The following USP37 variants were observed in gnomAD, a reference collection of about 807,000 sequenced individuals.
The protein encoded by USP37 is ubiquitin carboxyl-terminal hydrolase 37.
Under a neutral mutation model 124.0 loss-of-function variants are expected in USP37, and 27 were observed. That is an observed-to-expected ratio of 0.22 (90% CI 0.16 to 0.30). The LOEUF (loss-of-function observed/expected upper bound fraction) is 0.30. Ranked by LOEUF, USP37 falls within the 10% of genes least tolerant of loss-of-function variation. The pLI is 1.00. For missense variants in USP37, 889 were observed against 1,140.4 expected, an observed-to-expected ratio of 0.78 and a Z score of 3.17; for synonymous variants, 365 against 388.0, an observed-to-expected ratio of 0.94 and a Z score of 0.70.
intron 8 of USP37, among the ~76,000 whole-genome samples, chr2:218,545,329 T>TTGC (rs1466377649): frequency 1.3e-5 from 2 of 152,290 alleles, no homozygotes; most frequent in Middle Eastern, 3.4e-3. Context: ...TGCCCTCCCT[T>TTGC]TGCTCTCTTC....
At chr2:218,499,775 C>G (rs574704632) in intron 11 of USP37, among the ~76,000 whole-genome samples, 1 of 152,074 alleles carries the variant, frequency 6.6e-6, no homozygotes, top group South Asian at 2.1e-4. Context: ...TTCTCCCTAC[C>G]CTGGGTTGTT....
At chr2:218,478,798 G>A (rs577886175) in intron 18 of USP37, among the ~76,000 whole-genome samples, 33 of 152,192 alleles carry the variant, frequency 2.2e-4, no homozygotes, top group South Asian at 8.3e-4. Flanking sequence ...TCTTGAGAAC[G>A]GGCAAGAGTA....
At chr2:218,544,430 T>TATATAGAGAGAGAGAG (rs377397246) in intron 8 of USP37, among the ~76,000 whole-genome samples, 2 of 50,814 alleles carry the variant, frequency 3.9e-5, no homozygotes, top group Admixed American at 3.0e-4. Context: ...TATATATATA[T>TATATAGAGAGAGAGAG]AGAGAGAGAG....
At chr2:218,503,031 T>C (rs1316423803) in intron 11 of USP37, among the ~76,000 whole-genome samples, 2 of 152,222 alleles carry the variant, frequency 1.3e-5, no homozygotes, top group Non-Finnish European at 2.9e-5. Context: ...ATTATCACGT[T>C]AGAGTTCTAT....
rs975507550 is a variant in USP37, at chr2:218,485,516, C to T, written c.1670+148G>A. The T allele has an allele frequency of 4.4e-5, 41 of 937,202 alleles. No individual in the cohort carries two copies. The East Asian group carries it at 1.0e-3, about 23-fold the overall frequency. 58.1% of individuals were successfully genotyped at this position (937,202 alleles called of 1,614,324 possible). On this transcript the variant is annotated intron_variant, in intron 16 of 25. Transcript: ENST00000258399. The stretch of plus-strand genomic sequence containing the variant: ...CTTACACTCTGCACATTTCAGCTTT[C>T]CTGACCCTCTTTACCAATCCATTCT...
rs1284510518 is a variant in USP37, at chr2:218,476,861, C to T, written c.2022G>A (p.Gln674=). ...TTACTTTTTCCAGGTCTTCCTGCTG[C>T]TGTTCGTTGCCTAACATTTCACAAA... ...QRLCEMLGNE[Q]QQEDLEKDSK... Residue 674 remains glutamine, a synonymous_variant, in exon 19 of 26, where the codon CAG becomes CAA. Coordinates refer to ENST00000258399, the MANE Select transcript of USP37 (RefSeq NM_020935.3). 6.2e-7 allele frequency: 1 copy of T among 1,600,158 alleles called. No individual in the cohort carries two copies. Among genetic ancestry groups the T allele is most frequent in the African/African-American group, 1.3e-5 (1 of 74,080 alleles).
intron 15 of USP37, chr2:218,486,033 G>A: frequency 3.3e-6 from 1 of 306,390 alleles, no homozygotes; most frequent in East Asian, 6.0e-5. Context: ...AGCCTTTTCA[G>A]CCTTTTCCCC....
At chr2:218,511,125 T>C (rs1019184295) in intron 10 of USP37, among the ~76,000 whole-genome samples, 11 of 152,220 alleles carry the variant, frequency 7.2e-5, no homozygotes, top group African/African-American at 2.7e-4. Flanking sequence ...CTTTTCTGAA[T>C]TGCTTTCCTA....
At chr2:218,539,173 G>A (rs755909405) in intron 8 of USP37, among the ~76,000 whole-genome samples, 11 of 151,756 alleles carry the variant, frequency 7.2e-5, no homozygotes, top group Non-Finnish European at 1.5e-4. Flanking sequence ...TGCCCAGGCT[G>A]GTCTTGAACT....
At chr2:218,463,173 T>G in intron 22 of USP37, 133 bp downstream of exon 22, 2 of 730,298 alleles carry the variant, frequency 2.7e-6, no homozygotes, top group Non-Finnish European at 4.1e-6. Context: ...TCCCCCACAA[T>G]AAACACACAC....
At chr2:218,504,786 T>C (rs1169322098) in intron 11 of USP37, among the ~76,000 whole-genome samples, 1 of 152,110 alleles carries the variant, frequency 6.6e-6, no homozygotes, top group Non-Finnish European at 1.5e-5. Flanking sequence ...AGGGTCTTAC[T>C]ATGTTGTCCA....
intron 4 of USP37, among the ~76,000 whole-genome samples, chr2:218,556,514 T>G (rs1390296155): frequency 3.0e-5 from 4 of 134,158 alleles, no homozygotes; most frequent in Non-Finnish European, 4.8e-5. Context: ...TTTTTTTTTT[T>G]TTTTTTTTTT....
Position 218,453,949 on chromosome 2 carries a change from C to G in USP37, c.*981G>C, listed in dbSNP as rs1168511769. On this transcript the variant is annotated 3_prime_UTR_variant, in exon 26 of 26. Coordinates refer to ENST00000258399, the MANE Select transcript of USP37 (RefSeq NM_020935.3). ...TCTTATCCTCCCTATGTTTGAGAGA[C>G]AGAGATGCTAGCATTCTTCCTTATC... is the stretch of plus-strand genomic sequence containing the variant. 6.6e-6 allele frequency: 1 copy of G among 152,152 alleles called. No homozygotes were observed. Among genetic ancestry groups the G allele is most frequent in the African/African-American group, 2.4e-5 (1 of 41,454 alleles). 9.4% of individuals were successfully genotyped at this position (152,152 alleles called of 1,614,324 possible). A position where few individuals can be genotyped will look rare whatever the true frequency, so the allele number is the denominator to read the frequency against.
At chr2:218,527,919 T>C (rs913560736) in intron 10 of USP37, among the ~76,000 whole-genome samples, 1 of 151,962 alleles carries the variant, frequency 6.6e-6, no homozygotes, top group Admixed American at 6.6e-5. Flanking sequence ...GAACCAAATA[T>C]GGGCTGGGCG....
At chr2:218,502,711 C>A (rs1333965153) in intron 11 of USP37, among the ~76,000 whole-genome samples, 2 of 152,106 alleles carry the variant, frequency 1.3e-5, no homozygotes, top group Non-Finnish European at 2.9e-5. Flanking sequence ...AAGATTAAAT[C>A]ACTTACAAGG....
intron 10 of USP37, among the ~76,000 whole-genome samples, chr2:218,516,667 C>A (rs868545990): frequency 6.6e-6 from 1 of 152,038 alleles, no homozygotes; most frequent in African/African-American, 2.4e-5. Context: ...TGTAACAAAC[C>A]TTGCACATTC....
chr2:218,502,045 G>A (rs1487606573), intron 11 of USP37, among the ~76,000 whole-genome samples: 1 of 152,010 alleles, frequency 6.6e-6, no homozygotes, highest in African/African-American at 2.4e-5. Context: ...TTTAGGAAAG[G>A]AAGCAAATTA....
At chr2:218,539,223 T>C (rs1007115715) in intron 8 of USP37, among the ~76,000 whole-genome samples, 1 of 152,068 alleles carries the variant, frequency 6.6e-6, no homozygotes, top group Non-Finnish European at 1.5e-5. Context: ...CCTCCCAAAG[T>C]GCTGGGATTA....
intron 9 of USP37, 104 bp from the exon 10 acceptor site, chr2:218,530,144 T>C: frequency 1.3e-6 from 1 of 763,256 alleles, no homozygotes; most frequent in South Asian, 2.9e-5. Context: ...TTAACTCTTT[T>C]TCCTTCTCAT....
Sources: gnomAD v4.1 joint callset for allele counts (sites outside exome capture counted in the v4.1 genomes callset) on GRCh38, gnomAD v4.1.1 for gene constraint, MANE v1.5 for transcripts, NCBI Gene and HGNC (gene_info 2026-07-23, HGNC 2026-07-21) for gene names.